Variants in IQCE observed in about 807,000 individuals in gnomAD.
The protein encoded by IQCE is IQ motif containing E, also known as IQ domain-containing protein E.
IQCE carries 115 observed loss-of-function variants against 96.0 expected under a neutral mutation model. The ratio of observed to expected loss-of-function variants is 1.20; its 90% confidence interval spans 1.03 to 1.40. The LOEUF (loss-of-function observed/expected upper bound fraction) is 1.40. IQCE is among the 40% of genes most tolerant of loss of function. The pLI is 0.00. For missense variants in IQCE, 1,041 were observed against 909.1 expected, an observed-to-expected ratio of 1.15 and a Z score of -1.87; for synonymous variants, 412 against 371.2, an observed-to-expected ratio of 1.11 and a Z score of -1.26.
At chr7:2,576,351 A>C (rs1782123061) in intron 6 of IQCE, among the ~76,000 whole-genome samples, 1 of 152,206 alleles carries the variant, frequency 6.6e-6, no homozygotes, top group African/African-American at 2.4e-5. Flanking sequence ...ATAATTTCAA[A>C]GTACAGGATA....
chr7:2,570,602 A>G (rs1781690497), intron 3 of IQCE, among the ~76,000 whole-genome samples: 1 of 152,112 alleles, frequency 6.6e-6, no homozygotes, highest in South Asian at 2.1e-4. Context: ...CATTTTGAAC[A>G]TATTAGACTT....
rs185597199 is a variant in IQCE at position 2,614,085 on chromosome 7, G to A, written c.*3923G>A. 1.3e-5 allele frequency: 2 copies of A among 152,308 alleles called. No individual in the cohort carries two copies. Among genetic ancestry groups the A allele is most frequent in the Non-Finnish European group, 2.9e-5 (2 of 68,034 alleles). The allele number at this position is 152,308 out of a possible 1,614,324, so 9.4% of individuals were successfully genotyped here. A position where few individuals can be genotyped will look rare whatever the true frequency, so the allele number is the denominator to read the frequency against. The stretch of plus-strand genomic sequence containing the variant: ...TCTCCTGACGAGACGTGAGGACCAT[G>A]CCCTTGATCCCTCCGATGGACCAGA... On this transcript the variant is annotated 3_prime_UTR_variant, in exon 22 of 22. Transcript: ENST00000402050.
intron 6 of IQCE, 149 bp downstream of exon 6, chr7:2,573,637 G>A (rs1293383907): frequency 3.5e-5 from 19 of 538,520 alleles, no homozygotes; most frequent in Non-Finnish European, 4.0e-5. Context: ...GTGGCGTAGT[G>A]CCCTAGGAGC....
chr7:2,599,050 A>G (rs1256201724), intron 17 of IQCE, among the ~76,000 whole-genome samples: 1 of 152,188 alleles, frequency 6.6e-6, no homozygotes. Flanking sequence ...GCCTGCCGCT[A>G]TCTGTTTCCC....
chr7:2,590,620 A>T (rs1414166766), intron 14 of IQCE, among the ~76,000 whole-genome samples: 1 of 152,074 alleles, frequency 6.6e-6, no homozygotes, highest in Non-Finnish European at 1.5e-5. Context: ...TCTTAAATTA[A>T]CTGGGCGTGG....
rs1374775989 is a variant in IQCE at position 2,578,128 on chromosome 7, A to G, written c.466-114A>G. On this transcript the variant is annotated intron_variant, in intron 6 of 21. Coordinates refer to ENST00000402050, the MANE Select transcript of IQCE (RefSeq NM_152558.5). ...CGTGTGCGTGGCTGTGCGCGTGGGG[A>G]CGTGTGTGCGGCGTGCCCGCATTGG... 13 of 736,530 alleles carry G rather than the reference A, an allele frequency of 1.8e-5. No homozygotes were observed. The African/African-American group carries it at 2.5e-4, about 14-fold the overall frequency. The allele number at this position is 736,530 out of a possible 1,614,324, so 45.6% of individuals were successfully genotyped here. A position where few individuals can be genotyped will look rare whatever the true frequency, so the allele number is the denominator to read the frequency against.
At chr7:2,594,078 G>C (rs767035196) in intron 15 of IQCE, among the ~76,000 whole-genome samples, 6 of 151,910 alleles carry the variant, frequency 3.9e-5, no homozygotes, top group Non-Finnish European at 8.8e-5. Flanking sequence ...TGACCAACAT[G>C]GTGAAACCCC....
At chr7:2,581,765 A>C (rs1384644256) in intron 8 of IQCE, among the ~76,000 whole-genome samples, 1 of 148,162 alleles carries the variant, frequency 6.7e-6, no homozygotes, top group Non-Finnish European at 1.5e-5. Flanking sequence ...GCTGGAGTGC[A>C]GTGGCGCAAT....
chr7:2,581,085 T>C (rs1251387281), intron 8 of IQCE, among the ~76,000 whole-genome samples: 9 of 152,104 alleles, frequency 5.9e-5, no homozygotes, highest in Non-Finnish European at 1.3e-4. Context: ...CCTTGTGATC[T>C]GCCCACCTTG....
chr7:2,610,280 C>T lies in IQCE; in HGVS notation c.*118C>T. ...CGATGATACCTACTTAACACCTCAG[C>T]ATCTGCGTCGTGTCTCTTTGTGCTT... On this transcript the variant is annotated 3_prime_UTR_variant, in exon 22 of 22. Transcript: ENST00000402050. The T allele has an allele frequency of 1.4e-6, 1 of 702,102 alleles. No homozygotes were observed. Among genetic ancestry groups the T allele is most frequent in the Non-Finnish European group, 2.6e-6 (1 of 386,020 alleles). 43.5% of individuals were successfully genotyped at this position (702,102 alleles called of 1,614,324 possible). A position where few individuals can be genotyped will look rare whatever the true frequency, so the allele number is the denominator to read the frequency against.
intron 6 of IQCE, among the ~76,000 whole-genome samples, chr7:2,576,934 C>T (rs758996961): frequency 6.6e-6 from 1 of 152,042 alleles, no homozygotes; most frequent in African/African-American, 2.4e-5. Context: ...CCGGTGTTGG[C>T]GGTATTCGTT....
chr7:2,566,111 C>G (rs896626725), intron 1 of IQCE, among the ~76,000 whole-genome samples: 1 of 152,186 alleles, frequency 6.6e-6, no homozygotes, highest in African/African-American at 2.4e-5. Flanking sequence ...GTCATCACCT[C>G]CACCCCAAGC....
At chr7:2,560,204 A>G (rs1275476278) in intron 1 of IQCE, among the ~76,000 whole-genome samples, 3 of 152,118 alleles carry the variant, frequency 2.0e-5, no homozygotes, top group Non-Finnish European at 4.4e-5. Flanking sequence ...AACTGTGATC[A>G]TATCACGGCC....
In IQCE at chr7:2,577,978, T is replaced by TGC. The variant is rs1380406577; in HGVS notation, c.466-263_466-262insCG. ...GTGCGTGGCTGTGCGCGCGGGGACG[T>TGC]GTGTGCGGCGTGTGCGCATTGGCGT... On this transcript the variant is annotated intron_variant, in intron 6 of 21. Transcript: ENST00000402050. Among the ~76,000 whole-genome samples the TGC allele has an allele frequency of 3.3e-4, 45 of 137,578 alleles. 13 individuals are homozygous for TGC. Among genetic ancestry groups the TGC allele is most frequent in the East Asian group, 6.4e-4 (3 of 4,662 alleles). 90.3% of individuals were successfully genotyped at this position (137,578 alleles called of 152,430 possible). A position where few individuals can be genotyped will look rare whatever the true frequency, so the allele number is the denominator to read the frequency against.
Position 2,593,003 on chromosome 7 carries a change from C to A in IQCE, c.1245-19C>A. The stretch of plus-strand genomic sequence containing the variant: ...ACAGTTTTTGTGAACGCTGACGAGT[C>A]TCCTATTCTTGTGTGCAGTTTGGAG... On this transcript the variant is annotated intron_variant, in intron 14 of 21. Coordinates refer to ENST00000402050, the MANE Select transcript of IQCE (RefSeq NM_152558.5). 6.3e-7 allele frequency: 1 copy of A among 1,582,994 alleles called. No homozygotes were observed. The highest frequency in any genetic ancestry group is 1.1e-5 in the South Asian group (1 of 88,846).
At chr7:2,575,249 C>T (rs1434280551) in intron 6 of IQCE, among the ~76,000 whole-genome samples, 3 of 152,226 alleles carry the variant, frequency 2.0e-5, no homozygotes, top group Admixed American at 6.5e-5. Context: ...AAGGGGGTAC[C>T]ACCTCGTTAT....
chr7:2,596,830 T>C, intron 16 of IQCE: 1 of 398,780 alleles, frequency 2.5e-6, no homozygotes, highest in Non-Finnish European at 5.3e-6. Context: ...GAGGCTCTTC[T>C]TAGGGTTACA....
At position 2,571,668 on chromosome 7, in the gene IQCE, G is replaced by A. The variant is rs760239189; in HGVS notation, c.259+14G>A. On this transcript the variant is annotated intron_variant, in intron 4 of 21. Coordinates refer to ENST00000402050, the MANE Select transcript of IQCE (RefSeq NM_152558.5). ...CCGCAAAGCCAGGTATGTGGTTGTCGCACTGGAGACCCTTCCTGCTTGAGA... is the reference window on the plus strand; with the variant it reads ...CCGCAAAGCCAGGTATGTGGTTGTCACACTGGAGACCCTTCCTGCTTGAGA... 5.0e-6 allele frequency: 8 copies of A among 1,596,302 alleles called. No homozygotes were observed. The East Asian group carries it at 6.7e-5, about 13-fold the overall frequency.
At chr7:2,601,378 CA>C in intron 17 of IQCE, 62 bp from the exon 18 acceptor site, 1 of 1,165,010 alleles carries the variant, frequency 8.6e-7, no homozygotes, top group Non-Finnish European at 1.3e-6. Context: ...ATGAAGGAAT[CA>C]AAACCACATT....
Sources: gnomAD v4.1 joint callset for allele counts (sites outside exome capture counted in the v4.1 genomes callset) on GRCh38, gnomAD v4.1.1 for gene constraint, MANE v1.5 for transcripts, NCBI Gene and HGNC (gene_info 2026-07-23, HGNC 2026-07-21) for gene names.